SCUBE1: variants seen among roughly 807,000 people sequenced by gnomAD.
SCUBE1 encodes signal peptide, CUB and EGF-like domain-containing protein 1.
In SCUBE1, 59 loss-of-function variants were observed where a neutral mutation model predicts 124.4. The ratio of observed to expected loss-of-function variants is 0.47; its 90% confidence interval spans 0.38 to 0.59. The LOEUF (loss-of-function observed/expected upper bound fraction) is 0.59. Ranked by LOEUF, SCUBE1 falls within the 20% of genes least tolerant of loss-of-function variation. SCUBE1 has a pLI of 0.00. For synonymous variants in SCUBE1, 545 were observed against 550.9 expected, an observed-to-expected ratio of 0.99 and a Z score of 0.15; for missense variants, 1,150 against 1,371.2, an observed-to-expected ratio of 0.84 and a Z score of 2.55.
At chr22:43,319,476 T>C (rs1028188726) in intron 3 of SCUBE1, among the ~76,000 whole-genome samples, 1 of 140,098 alleles carries the variant, frequency 7.1e-6, no homozygotes, top group Non-Finnish European at 1.5e-5. Context: ...GGCAGGAGAA[T>C]CACTTGAACC....
chr22:43,333,242 T>A (rs1926959626), intron 2 of SCUBE1, among the ~76,000 whole-genome samples: 1 of 152,184 alleles, frequency 6.6e-6, no homozygotes, highest in South Asian at 2.1e-4. Flanking sequence ...AAGAAAACAG[T>A]GCTTTATCTC....
intron 3 of SCUBE1, among the ~76,000 whole-genome samples, chr22:43,297,564 T>C (rs551207579): frequency 2.0e-5 from 3 of 152,300 alleles, no homozygotes; most frequent in Admixed American, 2.0e-4. Context: ...TGTGCTGTGA[T>C]TGACATGGTT....
intron 2 of SCUBE1, among the ~76,000 whole-genome samples, chr22:43,334,329 C>T (rs1926994213): frequency 6.6e-6 from 1 of 152,198 alleles, no homozygotes; most frequent in African/African-American, 2.4e-5. Flanking sequence ...AATGACACAC[C>T]TGACTGTTCA....
intron 10 of SCUBE1, among the ~76,000 whole-genome samples, chr22:43,224,611 AGGGCTTTCCTT>A (rs1165901207): frequency 6.6e-6 from 1 of 152,178 alleles, no homozygotes; most frequent in African/African-American, 2.4e-5. Flanking sequence ...GCAACTAGGC[AGGGCTTTCCTT>A]GGGTCCCTTC....
In SCUBE1 at chr22:43,234,653, A is replaced by G. The variant is rs1922686984; in HGVS notation, c.845-2778T>C. Among the ~76,000 whole-genome samples, 1 of 152,138 alleles carries G rather than the reference A, an allele frequency of 6.6e-6. No individual in the cohort carries two copies. On this transcript the variant is annotated intron_variant, in intron 7 of 21. Transcript: ENST00000360835. The surrounding 1 kb of genome is among the most constrained non-coding windows in gnomAD (Gnocchi z 4.4). Reference sequence around the variant, plus strand: ...GCTGGGCTCATGGCCCCTGGGGTGCAGCTTTTGCACCTCTCTGCCCTTCCG... The same window carrying G: ...GCTGGGCTCATGGCCCCTGGGGTGCGGCTTTTGCACCTCTCTGCCCTTCCG...
intron 4 of SCUBE1, chr22:43,282,651 G>T (rs1924965309): frequency 6.6e-6 from 1 of 150,890 alleles, no homozygotes; most frequent in Non-Finnish European, 1.5e-5. Context: ...CTCTCCATCA[G>T]TTGGCCACCA....
At position 43,258,472 on chromosome 22, in the gene SCUBE1, G is replaced by T; in HGVS notation, c.611-137C>A. 1 of 688,364 alleles carries T rather than the reference G, an allele frequency of 1.5e-6. No homozygotes were observed. Among genetic ancestry groups the T allele is most frequent in the Non-Finnish European group, 2.7e-6 (1 of 376,016 alleles). 42.6% of individuals were successfully genotyped at this position (688,364 alleles called of 1,614,324 possible). ...ATCAGTGGGTAGGGTCATGAGGCTCGCCGGGCAACGGGGGAGCATTTCCCT... is the reference window on the plus strand; with the variant it reads ...ATCAGTGGGTAGGGTCATGAGGCTCTCCGGGCAACGGGGGAGCATTTCCCT... On this transcript the variant is annotated intron_variant, in intron 5 of 21. Coordinates refer to ENST00000360835, the MANE Select transcript of SCUBE1 (RefSeq NM_173050.5). The surrounding 1 kb of genome is among the most constrained non-coding windows in gnomAD (Gnocchi z 5.0).
intron 4 of SCUBE1, among the ~76,000 whole-genome samples, chr22:43,281,486 T>TCC (rs1924868238): frequency 3.5e-4 from 23 of 64,814 alleles, no homozygotes; most frequent in African/African-American, 2.8e-3. Flanking sequence ...ACCTCCCTCT[T>TCC]TGGCCACCCT....
intron 4 of SCUBE1, among the ~76,000 whole-genome samples, chr22:43,277,509 C>T (rs1412971222): frequency 6.6e-6 from 1 of 152,216 alleles, no homozygotes; most frequent in African/African-American, 2.4e-5. Flanking sequence ...CTGCACAGCA[C>T]CCCTGCCCCT....
intron 3 of SCUBE1, among the ~76,000 whole-genome samples, chr22:43,318,640 C>T (rs1479026301): frequency 2.0e-5 from 3 of 152,224 alleles, no homozygotes; most frequent in Non-Finnish European, 4.4e-5. Flanking sequence ...ATAGAAAACA[C>T]ACCAGCACAA....
intron 3 of SCUBE1, among the ~76,000 whole-genome samples, chr22:43,307,020 T>G (rs999645907): frequency 3.3e-5 from 5 of 152,182 alleles, no homozygotes; most frequent in African/African-American, 1.2e-4. Flanking sequence ...GAATCCAACA[T>G]TCTACCCCGT....
chr22:43,230,738 G>T (rs566188296), intron 8 of SCUBE1, among the ~76,000 whole-genome samples: 1 of 152,202 alleles, frequency 6.6e-6, no homozygotes, highest in Non-Finnish European at 1.5e-5. Context: ...GGAAGGCAGC[G>T]GCTGGCCTGG....
At position 43,227,434 on chromosome 22, in the gene SCUBE1, T is replaced by C. The variant is rs1402566311; in HGVS notation, c.1147A>G (p.Ser383Gly). 10 of 1,613,166 alleles carry C rather than the reference T, an allele frequency of 6.2e-6. No individual in the cohort carries two copies. The highest frequency in any genetic ancestry group is 7.6e-6 in the Non-Finnish European group (9 of 1,179,924). Reference sequence around the variant, plus strand: ...CCCGGGGGACAGACGCACTCGTAGCTGCCCTTGGTGTTGACGCAGCCCTGG... The same window carrying C: ...CCCGGGGGACAGACGCACTCGTAGCCGCCCTTGGTGTTGACGCAGCCCTGG... ...CDQGCVNTKG[S>G]YECVCPPGRR... is the part of the protein sequence containing the mutation. Residue 383 changes from serine to glycine, a missense_variant, in exon 10 of 22, where the codon AGC becomes GGC. By Grantham distance (56) the Ser-to-Gly change is moderately conservative (BLOSUM62 0). Around this residue, in one of 3 missense-constraint regions of SCUBE1, gnomAD observed 757 missense variants for 840.9 expected, o/e 0.90. Coordinates refer to ENST00000360835, the MANE Select transcript of SCUBE1 (RefSeq NM_173050.5).
At chr22:43,308,349 T>C (rs1926050943) in intron 3 of SCUBE1, among the ~76,000 whole-genome samples, 1 of 152,180 alleles carries the variant, frequency 6.6e-6, no homozygotes, top group South Asian at 2.1e-4. Flanking sequence ...GGGTAGTAGG[T>C]GGGCATAACG....
chr22:43,237,073 C>T (rs546838830), intron 7 of SCUBE1, among the ~76,000 whole-genome samples: 23 of 141,812 alleles, frequency 1.6e-4, no homozygotes, highest in South Asian at 4.4e-4. Flanking sequence ...GAAAGGGCCC[C>T]GACCGCTTGA....
At chr22:43,278,085 C>T (rs147547394) in intron 4 of SCUBE1, among the ~76,000 whole-genome samples, 2,169 of 152,294 alleles carry the variant, frequency 0.014, 14 homozygotes, top group Non-Finnish European at 0.016. Flanking sequence ...GCTTACCAGC[C>T]GAAAGAGTTG....
At chr22:43,296,349 T>G (rs1166572228) in intron 3 of SCUBE1, among the ~76,000 whole-genome samples, 1 of 152,106 alleles carries the variant, frequency 6.6e-6, no homozygotes, top group East Asian at 1.9e-4. Context: ...CTGTTTCCAA[T>G]CCGGGGTCCA....
intron 3 of SCUBE1, among the ~76,000 whole-genome samples, chr22:43,304,180 T>C (rs974799395): frequency 2.6e-5 from 4 of 152,256 alleles, no homozygotes; most frequent in Non-Finnish European, 5.9e-5. Context: ...TGCATACAAC[T>C]GACTGACTCT....
intron 6 of SCUBE1, among the ~76,000 whole-genome samples, chr22:43,247,977 G>A (rs1923284430): frequency 6.6e-6 from 1 of 152,206 alleles, no homozygotes. Flanking sequence ...GAAGGGCTTT[G>A]GGGCCCACTT....
Sources: allele counts gnomAD v4.1 joint callset (sites outside exome capture counted in the v4.1 genomes callset), GRCh38; gene constraint gnomAD v4.1.1; regional missense constraint gnomAD v4.1.1; non-coding constraint Gnocchi (gnomAD v3.1); transcripts MANE v1.5; gene names NCBI Gene and HGNC (gene_info 2026-07-23, HGNC 2026-07-21).